WWOX: variants seen among roughly 807,000 people sequenced by gnomAD.
WWOX encodes WW domain-containing oxidoreductase.
WWOX carries 69 observed loss-of-function variants against 46.2 expected under a neutral mutation model. The ratio of observed to expected loss-of-function variants is 1.49; its 90% CI spans 1.23 to 1.82. The LOEUF (loss-of-function observed/expected upper bound fraction) is 1.82, where lower values mean the gene tolerates loss of function less well. WWOX is among the 40% of genes most tolerant of loss of function. The pLI is 0.00. For synonymous variants in WWOX, 359 were observed against 202.6 expected (o/e 1.77, Z -6.56); for missense variants, 919 against 542.6 (o/e 1.69, Z -6.89).
At chr16:79,157,537 T>A (rs985785260) in intron 8 of WWOX, among the ~76,000 whole-genome samples, 1 of 152,210 alleles carries the variant, frequency 6.6e-6, no homozygotes, top group Non-Finnish European at 1.5e-5. Flanking sequence ...ATTTGGCATG[T>A]AGTGGAACCT....
chr16:78,155,997 C>G (rs2034583963), intron 4 of WWOX, among the ~76,000 whole-genome samples: 2 of 152,166 alleles, frequency 1.3e-5, no homozygotes, highest in Non-Finnish European at 2.9e-5. Flanking sequence ...CGCTTTGTTT[C>G]TGTTCCAAAG....
intron 8 of WWOX, among the ~76,000 whole-genome samples, chr16:79,094,243 CTT>C (rs746687673): frequency 2.2e-4 from 30 of 138,380 alleles, no homozygotes; most frequent in African/African-American, 5.0e-4. Context: ...TGAGGTTTTT[CTT>C]TTTTTTTTTT....
intron 8 of WWOX, among the ~76,000 whole-genome samples, chr16:78,885,786 G>A (rs1052440340): frequency 5.3e-5 from 8 of 151,976 alleles, no homozygotes; most frequent in East Asian, 1.9e-4. Flanking sequence ...TAGAAGGATC[G>A]GATTCTTCCC....
At chr16:79,034,037 A>T (rs372394931) in intron 8 of WWOX, among the ~76,000 whole-genome samples, 1 of 152,268 alleles carries the variant, frequency 6.6e-6, no homozygotes, top group Non-Finnish European at 1.5e-5. Flanking sequence ...AGCACAGGCT[A>T]TGGCTCACGG....
At chr16:78,859,057 T>TACATATAC (rs1380109118) in intron 8 of WWOX, among the ~76,000 whole-genome samples, 1 of 69,890 alleles carries the variant, frequency 1.4e-5, no homozygotes, top group East Asian at 3.0e-4. Context: ...TATGTATATA[T>TACATATAC]ATATATATAT....
chr16:78,802,465 T>C (rs1017922074), intron 8 of WWOX, among the ~76,000 whole-genome samples: 2 of 152,178 alleles, frequency 1.3e-5, no homozygotes, highest in African/African-American at 4.8e-5. Flanking sequence ...AAATCCACTA[T>C]ATTAATCTGG....
Position 78,509,026 on chromosome 16 carries a change from C to T in WWOX, c.1056+76274C>T, listed in dbSNP as rs181276536. ...GCGTGCATGTGTGGCTTTGTAGACA[C>T]GTATGTGTGTGTGCGTGCACACCTG... On this transcript the variant is annotated intron_variant, in intron 8 of 8. Transcript: ENST00000566780. Among the ~76,000 whole-genome samples, 222 of 152,378 alleles carry T rather than the reference C, an allele frequency of 1.5e-3. 1 individual carries two copies. The highest frequency in any genetic ancestry group is 0.011 in the South Asian group (52 of 4,832).
intron 8 of WWOX, among the ~76,000 whole-genome samples, chr16:79,190,242 C>T (rs1180357805): frequency 1.3e-5 from 2 of 152,092 alleles, no homozygotes; most frequent in Non-Finnish European, 2.9e-5. Context: ...CCAGGCTGGT[C>T]TCGAACTCCT....
chr16:78,503,245 AT>A (rs2085113447), intron 8 of WWOX, among the ~76,000 whole-genome samples: 1 of 152,178 alleles, frequency 6.6e-6, no homozygotes, highest in African/African-American at 2.4e-5. Flanking sequence ...GGAGTCTTCC[AT>A]CCGCTGGTAA....
At chr16:79,189,224 C>G (rs374776339) in intron 8 of WWOX, among the ~76,000 whole-genome samples, 8 of 152,196 alleles carry the variant, frequency 5.3e-5, no homozygotes, top group Admixed American at 3.3e-4. Flanking sequence ...GCATTTGGAA[C>G]AGGCATCTAT....
chr16:79,039,969 C>G (rs999702283), intron 8 of WWOX, among the ~76,000 whole-genome samples: 2 of 152,118 alleles, frequency 1.3e-5, no homozygotes, highest in African/African-American at 4.8e-5. Context: ...TAAATGCATA[C>G]GATCATGCTG....
intron 8 of WWOX, among the ~76,000 whole-genome samples, chr16:78,862,855 C>T (rs756134638): frequency 2.6e-5 from 4 of 152,074 alleles, no homozygotes; most frequent in Non-Finnish European, 4.4e-5. Context: ...CCTCCAGAAA[C>T]GCCTTCATGG....
chr16:78,774,534 G>C (rs1001748399), intron 8 of WWOX, among the ~76,000 whole-genome samples: 1 of 109,122 alleles, frequency 9.2e-6, no homozygotes, highest in African/African-American at 3.8e-5. Context: ...GTGTGTGTGC[G>C]CGTGCGCACA....
chr16:78,891,605 A>T (rs1382581356), intron 8 of WWOX: 1 of 152,238 alleles, frequency 6.6e-6, no homozygotes, highest in East Asian at 1.9e-4. Flanking sequence ...TTAATGTGAG[A>T]ACACCTTCAG....
At chr16:79,166,988 C>G (rs1398033642) in intron 8 of WWOX, among the ~76,000 whole-genome samples, 1 of 152,048 alleles carries the variant, frequency 6.6e-6, no homozygotes, top group Non-Finnish European at 1.5e-5. Flanking sequence ...GTCATCCAGG[C>G]TGGAGTGCAT....
In WWOX at chr16:78,911,791, G is replaced by A. The variant is rs182525713; in HGVS notation, c.1057-299817G>A. On this transcript the variant is annotated intron_variant, in intron 8 of 8. Transcript: ENST00000566780. ...TGAGGCAGGAGAATCACTTGAACCCGGGAAGCGGAGGTTGCAGGGAGCTGA... is the reference window on the plus strand; with the variant it reads ...TGAGGCAGGAGAATCACTTGAACCCAGGAAGCGGAGGTTGCAGGGAGCTGA... 1.7e-3 allele frequency among the ~76,000 whole-genome samples: 256 copies of A among 152,106 alleles called. 1 individual carries two copies. Among genetic ancestry groups the A allele is most frequent in the Middle Eastern group, 3.4e-3 (1 of 294 alleles).
intron 8 of WWOX, among the ~76,000 whole-genome samples, chr16:78,631,084 C>G (rs1176892260): frequency 6.6e-6 from 1 of 152,030 alleles, no homozygotes; most frequent in African/African-American, 2.4e-5. Flanking sequence ...TTAAAGTGTA[C>G]AGGAGCATCA....
intron 8 of WWOX, among the ~76,000 whole-genome samples, chr16:78,752,537 C>G (rs1358087194): frequency 1.3e-5 from 2 of 152,202 alleles, no homozygotes; most frequent in Non-Finnish European, 2.9e-5. Flanking sequence ...TCCCAAAGTG[C>G]TGAGATTACA....
intron 8 of WWOX, among the ~76,000 whole-genome samples, chr16:78,778,606 C>G (rs2050248806): frequency 6.6e-6 from 1 of 152,052 alleles, no homozygotes; most frequent in Non-Finnish European, 1.5e-5. Flanking sequence ...GGTGTGGTCT[C>G]AGAGTCATTT....
Sources: allele counts gnomAD v4.1 joint callset (sites outside exome capture counted in the v4.1 genomes callset), GRCh38; gene constraint gnomAD v4.1.1; transcripts MANE v1.5; gene names NCBI Gene and HGNC (gene_info 2026-07-23, HGNC 2026-07-21).